GLIS1: variants seen among roughly 807,000 people sequenced by gnomAD.
GLIS1 encodes GLIS family zinc finger 1.
GLIS1 carries 24 observed loss-of-function variants against 63.8 expected under a neutral mutation model. The observed-to-expected ratio is 0.38, with a 90% confidence interval of 0.27 to 0.53. The LOEUF (loss-of-function observed/expected upper bound fraction) is 0.53, where lower values mean the gene tolerates loss of function less well. GLIS1 is among the 20% of genes least tolerant of loss of function. GLIS1 has a pLI of 0.85. For synonymous variants in GLIS1, 450 were observed against 482.5 expected (o/e 0.93, Z 0.88); for missense variants, 1,036 against 1,074.1 (o/e 0.96, Z 0.50).
rs758168280 is a variant in GLIS1, at chr1:53,594,485, G to C, written c.943C>G (p.Arg315Gly). Residue 315 changes from arginine (R) to glycine (G), a missense_variant, in exon 4 of 11, where the codon CGG becomes GGG. By Grantham distance (125) the Arg-to-Gly change is moderately radical. Coordinates refer to ENST00000628545, the MANE Select transcript of GLIS1 (RefSeq NM_001367484.1). ...TCCTGCTTCAGGAAGCTCGCCTTCC[G>C]GCAGGCTTCAAGTTGCAAGCTGCCC... ...HEGSLQLEACRKASFLKQEPA... is the reference protein window; with the variant it reads ...HEGSLQLEACGKASFLKQEPA... 1 of 1,613,024 alleles carries C rather than the reference G, an allele frequency of 6.2e-7. No homozygotes were observed. The highest frequency in any genetic ancestry group is 1.1e-5 in the South Asian group (1 of 91,084).
At chr1:53,649,511 C>G (rs1645883644) in intron 2 of GLIS1, among the ~76,000 whole-genome samples, 1 of 152,126 alleles carries the variant, frequency 6.6e-6, no homozygotes, top group Admixed American at 6.5e-5. Context: ...GTGTTTAGTG[C>G]AATACTGTAA....
chr1:53,545,593 C>G (rs1026024736), intron 4 of GLIS1, among the ~76,000 whole-genome samples: 13 of 152,288 alleles, frequency 8.5e-5, no homozygotes, highest in South Asian at 4.1e-4. Flanking sequence ...TGGAAAAATA[C>G]TCCAAAATAT....
At position 53,509,180 on chromosome 1, in the gene GLIS1, C is replaced by T. The variant is rs146608107; in HGVS notation, c.2170G>A (p.Gly724Ser). 9.2e-3 allele frequency: 14,812 copies of T among 1,601,394 alleles called. 86 individuals are homozygous for T. Among genetic ancestry groups the T allele is most frequent in the Non-Finnish European group, 0.011 (12,715 of 1,174,710 alleles). ...GGDGLVGETH[G>S]FNPLRPNGYH... ...CCATTGGGCCGCAGGGGGTTGAAAC[C>T]GTGGGTCTCCCCGACCAGTCCGTCC... Residue 724 changes from glycine to serine, a missense_variant, in exon 10 of 11, where the codon GGT becomes AGT. Physicochemically the swap from Gly to Ser is moderately conservative, Grantham distance 56 (BLOSUM62 0). Transcript: ENST00000628545.
At position 53,737,956 on chromosome 1, in the gene GLIS1, T is replaced by G. The variant is rs1646928817; in HGVS notation, c.109A>C (p.Arg37=). 1 of 1,230,092 alleles carries G rather than the reference T, an allele frequency of 8.1e-7. No homozygotes were observed. The highest frequency in any genetic ancestry group is 1.0e-6 in the Non-Finnish European group (1 of 986,956). 76.2% of individuals were successfully genotyped at this position (1,230,092 alleles called of 1,614,324 possible). A position where few individuals can be genotyped will look rare whatever the true frequency, so the allele number is the denominator to read the frequency against. The part of the protein sequence containing the change: ...PASLGAHMAF[R]VTVSGGGCGD... ...CAGCCGCCGCCACTCACGGTGACCC[T>G]GAAGGCCATGTGCGCGCCGAGGCTG... Residue 37 remains arginine, a synonymous_variant, in exon 2 of 11, where the codon AGG becomes CGG. Coordinates refer to ENST00000628545, the MANE Select transcript of GLIS1 (RefSeq NM_001367484.1).
chr1:53,507,804 G>A (rs549851052), intron 10 of GLIS1, among the ~76,000 whole-genome samples: 2 of 152,322 alleles, frequency 1.3e-5, no homozygotes, highest in South Asian at 4.1e-4. Context: ...GCTCCATTCA[G>A]AGCTATTCAT....
intron 2 of GLIS1, among the ~76,000 whole-genome samples, chr1:53,675,834 T>G (rs1646205368): frequency 6.6e-6 from 1 of 151,992 alleles, no homozygotes; most frequent in Non-Finnish European, 1.5e-5. Flanking sequence ...GTCCTGCCAC[T>G]TCTTCACCAA....
chr1:53,541,827 C>G (rs980905374), intron 4 of GLIS1, among the ~76,000 whole-genome samples: 1 of 152,234 alleles, frequency 6.6e-6, no homozygotes, highest in Non-Finnish European at 1.5e-5. Context: ...AACTGAGGCA[C>G]CAGGTGGTGA....
chr1:53,509,370 A>AT, intron 9 of GLIS1, 83 bp from the exon 10 acceptor site: 1 of 1,337,456 alleles, frequency 7.5e-7, no homozygotes, highest in South Asian at 1.4e-5. Flanking sequence ...TGCACGCTCC[A>AT]CCTCCCGTGT....
intron 10 of GLIS1, 108 bp from the exon 11 acceptor site, chr1:53,506,884 G>A: frequency 8.8e-7 from 1 of 1,133,842 alleles, no homozygotes; most frequent in Non-Finnish European, 1.2e-6. Flanking sequence ...TCCCCTCACA[G>A]TGTCCCGTCG....
intron 5 of GLIS1, among the ~76,000 whole-genome samples, chr1:53,528,445 T>C (rs1489536304): frequency 6.6e-6 from 1 of 152,056 alleles, no homozygotes; most frequent in Non-Finnish European, 1.5e-5. Flanking sequence ...TCTCTTTGAG[T>C]CTCAATTTAT....
intron 2 of GLIS1, among the ~76,000 whole-genome samples, chr1:53,615,456 G>C (rs1394376427): frequency 6.6e-6 from 1 of 152,232 alleles, no homozygotes; most frequent in Non-Finnish European, 1.5e-5. Context: ...AGGGCCAAGG[G>C]AGACTCCAGG....
At chr1:53,690,080 C>G (rs909163257) in intron 2 of GLIS1, among the ~76,000 whole-genome samples, 17 of 152,216 alleles carry the variant, frequency 1.1e-4, no homozygotes, top group Admixed American at 2.0e-4. Context: ...GTGGCCTGCC[C>G]CCTCTGCTGT....
chr1:53,737,871 T>C lies in GLIS1; in HGVS notation c.194A>G (p.His65Arg). The part of the protein sequence containing the change: ...ARPPAPPPRA[H>R]DLLRPRSPRD... ...GGGACTGCGGGGCCGGAGGAGGTCGTGGGCGCGCGGTGGCGGCGCAGGCGG... is the reference window on the plus strand; with the variant it reads ...GGGACTGCGGGGCCGGAGGAGGTCGCGGGCGCGCGGTGGCGGCGCAGGCGG... The change falls in exon 2 of 11, where the codon CAC becomes CGC. Residue 65 changes from histidine (H) to arginine (R), a missense_variant. By Grantham distance (29) the His-to-Arg change is conservative (BLOSUM62 0). Transcript: ENST00000628545. 2 of 1,230,900 alleles carry C rather than the reference T, an allele frequency of 1.6e-6. No homozygotes were observed. The highest frequency in any genetic ancestry group is 2.0e-6 in the Non-Finnish European group (2 of 987,482). 76.2% of individuals were successfully genotyped at this position (1,230,900 alleles called of 1,614,324 possible). A position where few individuals can be genotyped will look rare whatever the true frequency, so the allele number is the denominator to read the frequency against.
intron 4 of GLIS1, among the ~76,000 whole-genome samples, chr1:53,557,808 T>A (rs989221558): frequency 2.0e-5 from 3 of 152,280 alleles, no homozygotes; most frequent in African/African-American, 7.2e-5. Context: ...ATGGTTTTTA[T>A]CAAGTTGTTT....
intron 2 of GLIS1, among the ~76,000 whole-genome samples, chr1:53,627,559 G>A (rs1034831282): frequency 2.6e-5 from 4 of 152,194 alleles, no homozygotes; most frequent in East Asian, 1.9e-4. Flanking sequence ...AAGGGAAGAC[G>A]AATGAAATTT....
intron 9 of GLIS1, 139 bp downstream of exon 9, chr1:53,509,710 C>T: frequency 4.0e-6 from 2 of 499,334 alleles, no homozygotes. Flanking sequence ...TGTCTCCTAG[C>T]TTCTCTCAGC....
At chr1:53,532,059 T>A (rs1336054194) in intron 4 of GLIS1, among the ~76,000 whole-genome samples, 1 of 151,568 alleles carries the variant, frequency 6.6e-6, no homozygotes, top group African/African-American at 2.4e-5. Context: ...GGGCAAGGAG[T>A]CTGCAGGGAG....
chr1:53,588,916 C>T (rs141848488), intron 4 of GLIS1, among the ~76,000 whole-genome samples: 119 of 152,332 alleles, frequency 7.8e-4, no homozygotes, highest in African/African-American at 2.8e-3. Flanking sequence ...TCATGGCTGG[C>T]CATGGTAAGT....
chr1:53,732,521 A>C (rs1646873160), intron 2 of GLIS1, among the ~76,000 whole-genome samples: 1 of 152,090 alleles, frequency 6.6e-6, no homozygotes, highest in African/African-American at 2.4e-5. Context: ...GCTGCTGATA[A>C]ACAAGAAGTC....
Sources: gnomAD v4.1 joint callset for allele counts (sites outside exome capture counted in the v4.1 genomes callset) on GRCh38, gnomAD v4.1.1 for gene constraint, MANE v1.5 for transcripts, NCBI Gene and HGNC (gene_info 2026-07-23, HGNC 2026-07-21) for gene names.